QARS1: variants seen among roughly 807,000 people sequenced by gnomAD.
The protein encoded by QARS1 is glutamine--tRNA ligase.
A neutral mutation model predicts 106.9 loss-of-function variants in QARS1; 79 were observed. The ratio of observed to expected loss-of-function variants is 0.74; its 90% CI spans 0.62 to 0.89. The LOEUF is 0.89. QARS1 is among the 40% of genes least tolerant of loss of function. QARS1 has a pLI of 0.00. For missense variants in QARS1, 966 were observed against 997.2 expected, an observed-to-expected ratio of 0.97 and a Z score of 0.42; for synonymous variants, 395 against 367.7, an observed-to-expected ratio of 1.07 and a Z score of -0.85.
At chr3:49,104,131 C>T (rs747653134) in intron 2 of QARS1, 159 bp from the exon 3 acceptor site, 1 of 1,132,004 alleles carries the variant, frequency 8.8e-7, no homozygotes, top group Non-Finnish European at 1.3e-6. Context: ...AAGCACGTGT[C>T]GAGAGTGGAT....
intron 6 of QARS1, 26 bp from the exon 7 acceptor site, chr3:49,102,291 A>C (rs2042481912): frequency 6.2e-7 from 1 of 1,614,098 alleles, no homozygotes; most frequent in Non-Finnish European, 8.5e-7. Context: ...GGTGCTTCAG[A>C]AAATGGCATC....
chr3:49,101,655 G>T lies in QARS1; in HGVS notation c.754C>A (p.Leu252Ile). ...GTAATCTCCAGGTGCTGCTTTAGTA[G>T]ATTCATGGTGTGTGGAGTGACCACA... ...GYVVTPHTMN[L>I]LKQHLEITGG... The change falls in exon 9 of 24, where the codon CTA (leucine) becomes ATA (isoleucine). Residue 252 changes from leucine (L) to isoleucine (I), a missense_variant. Transcript: ENST00000306125. The T allele has an allele frequency of 6.2e-7, 1 of 1,613,970 alleles. No individual in the cohort carries two copies. Among genetic ancestry groups the T allele is most frequent in the Non-Finnish European group, 8.5e-7 (1 of 1,180,022 alleles).
At chr3:49,097,763 T>C (rs2042410264) in intron 23 of QARS1, among the ~76,000 whole-genome samples, 1 of 151,958 alleles carries the variant, frequency 6.6e-6, no homozygotes, top group Non-Finnish European at 1.5e-5. Flanking sequence ...GCCATTGCAC[T>C]CCAGCCCCGG....
intron 19 of QARS1, 67 bp from the exon 20 acceptor site, chr3:49,098,759 C>A: frequency 1.3e-6 from 2 of 1,506,612 alleles, no homozygotes; most frequent in Non-Finnish European, 1.8e-6. Flanking sequence ...AGCTTCCCTA[C>A]CCCCGTGTCT....
At chr3:49,097,849 C>G (rs540773858) in intron 23 of QARS1, 143 bp downstream of exon 23, 2 of 1,222,278 alleles carry the variant, frequency 1.6e-6, no homozygotes, top group Admixed American at 2.4e-5. Context: ...TCCTCAGTGC[C>G]AGTTTCCTCA....
chr3:49,102,288 C>G, intron 6 of QARS1, 23 bp from the exon 7 acceptor site: 1 of 1,614,184 alleles, frequency 6.2e-7, no homozygotes. Context: ...CCAGGTGCTT[C>G]AGAAAATGGC....
At chr3:49,097,970 G>A (rs1231385383) in intron 23 of QARS1, 22 bp downstream of exon 23, 2 of 1,613,890 alleles carry the variant, frequency 1.2e-6, no homozygotes, top group South Asian at 1.1e-5. Context: ...GCAGATGAGG[G>A]CAGGTGAGTA....
chr3:49,100,701 T>C, intron 10 of QARS1, 27 bp from the exon 11 acceptor site: 1 of 1,465,312 alleles, frequency 6.8e-7, no homozygotes, highest in Non-Finnish European at 9.6e-7. Context: ...ATCTGTGAAC[T>C]CCCACATCAT....
Position 49,104,729 on chromosome 3 carries a change from G to A in QARS1, c.5C>T (p.Ala2Val). The change falls in exon 1 of 24, where the codon GCG (alanine) becomes GTG (valine). Residue 2 changes from alanine (A) to valine (V), a missense_variant. Coordinates refer to ENST00000306125, the MANE Select transcript of QARS1 (RefSeq NM_005051.3). M[A>V]ALDSLSLFTS... ...GAAGAGCGACAGGGAGTCTAGAGCC[G>A]CCATTGCAGAGACACCGGAAACTAA... is the stretch of plus-strand genomic sequence containing the variant. 2.5e-6 allele frequency: 4 copies of A among 1,612,500 alleles called. No homozygotes were observed. The highest frequency in any genetic ancestry group is 1.3e-5 in the African/African-American group (1 of 75,036).
Position 49,104,324 on chromosome 3 carries a change from C to G in QARS1, c.265G>C (p.Ala89Pro). The G allele has an allele frequency of 6.2e-7, 1 of 1,613,982 alleles. No homozygotes were observed. Among genetic ancestry groups the G allele is most frequent in the Non-Finnish European group, 8.5e-7 (1 of 1,179,920 alleles). The change falls in exon 2 of 24, where the codon GCT (alanine) becomes CCT (proline). Residue 89 changes from alanine (A) to proline (P), a missense_variant and splice_region_variant. Ala to Pro is a conservative substitution (Grantham distance 27). Transcript: ENST00000306125. ...KKIHTEPQLS[A>P]ALEYVRSHPL... is the part of the protein sequence containing the mutation. ...CTGGCAGGACAGGTAGGGGTCTCAC[C>G]GCTTAGCTGGGGCTCAGTGTGGATC... is the stretch of plus-strand genomic sequence containing the variant.
rs572025824 is a variant in QARS1, at chr3:49,100,232, G to A, written c.1122C>T (p.Pro374=). The change falls in exon 13 of 24, where the codon CCC becomes CCT. Residue 374 remains proline (P), a synonymous_variant. Coordinates refer to ENST00000306125, the MANE Select transcript of QARS1 (RefSeq NM_005051.3). ...ELKGHNTLPS[P]WRDRPMEESL... is the part of the protein sequence containing the mutation. ...ACTCCTCCATGGGACGGTCTCTCCA[G>A]GGTGAAGGCAGAGTATTATGGCCTT... 2.0e-5 allele frequency: 32 copies of A among 1,614,258 alleles called. No homozygotes were observed. In the Admixed American group the frequency reaches 2.2e-4, roughly 11 times the overall value.
At position 49,104,485 on chromosome 3, in the gene QARS1, G is replaced by A. The variant is rs187975850; in HGVS notation, c.118-14C>T. The stretch of plus-strand genomic sequence containing the variant: ...GGTCTGCTGAGCCTGAGGTCAGAGG[G>A]GTCAAGAGAGAAGCCCCGCGCTCAG... On this transcript the variant is annotated splice_polypyrimidine_tract_variant and intron_variant, in intron 1 of 23. Transcript: ENST00000306125. 1.1e-5 allele frequency: 17 copies of A among 1,613,414 alleles called. No individual in the cohort carries two copies. Among genetic ancestry groups the A allele is most frequent in the African/African-American group, 1.3e-5 (1 of 75,030 alleles).
chr3:49,097,809 C>G (rs2042410898), intron 23 of QARS1, among the ~76,000 whole-genome samples, 183 bp downstream of exon 23: 1 of 152,020 alleles, frequency 6.6e-6, no homozygotes, highest in Non-Finnish European at 1.5e-5. Context: ...AAAAAGGCAG[C>G]CTTCATACAA....
chr3:49,101,817 T>G lies in QARS1; in HGVS notation c.703+11A>C. On this transcript the variant is annotated intron_variant, in intron 8 of 23. Coordinates refer to ENST00000306125, the MANE Select transcript of QARS1 (RefSeq NM_005051.3). ...TCCAGCCCTCCCCAGGGTTTTGACA[T>G]GCCCACTAACCAGGCTTGTGGAACT... 1.2e-6 allele frequency: 2 copies of G among 1,611,032 alleles called. No homozygotes were observed. Among genetic ancestry groups the G allele is most frequent in the Non-Finnish European group, 1.7e-6 (2 of 1,178,352 alleles).
At chr3:49,102,878 G>A in intron 5 of QARS1, 2 of 344,534 alleles carry the variant, frequency 5.8e-6, no homozygotes, top group South Asian at 4.7e-5. Context: ...CCTGACCTCA[G>A]GTGATCTGCC....
rs140358033 is a variant in QARS1, at chr3:49,098,031, A to C, written c.2238T>G (p.Leu746=). 1.9e-6 allele frequency: 3 copies of C among 1,614,098 alleles called. No individual in the cohort carries two copies. Among genetic ancestry groups the C allele is most frequent in the Non-Finnish European group, 2.5e-6 (3 of 1,180,058 alleles). ...KPFDKFQFER[L]GYFSVDPDSH... ...TGTCTGGATCCACGGAGAAATATCC[A>C]AGACGCTCAAACTGGAACTTGTCGA... Residue 746 remains leucine (L), a synonymous_variant, in exon 23 of 24, where the codon CTT becomes CTG. Transcript: ENST00000306125.
chr3:49,099,919 C>T (rs1163219555), intron 14 of QARS1, 42 bp downstream of exon 14: 2 of 1,613,666 alleles, frequency 1.2e-6, no homozygotes, highest in Non-Finnish European at 8.5e-7. Context: ...GGCCCATCGC[C>T]CTGCTCGGCA....
chr3:49,103,469 T>C, intron 4 of QARS1, 60 bp from the exon 5 acceptor site: 3 of 1,605,250 alleles, frequency 1.9e-6, no homozygotes, highest in Non-Finnish European at 2.6e-6. Context: ...CCCCACCTCT[T>C]TCCCAAGGAA....
rs1247192471 is a variant in QARS1 at position 49,101,337 on chromosome 3, C to G, written c.876+18G>C. ...CAAGTGGTCATCTTGCTTGCCAGGT[C>G]CCTAGACACATGCTTACCTTGGCAT... On this transcript the variant is annotated intron_variant, in intron 10 of 23. Coordinates refer to ENST00000306125, the MANE Select transcript of QARS1 (RefSeq NM_005051.3). 1 of 1,584,676 alleles carries G rather than the reference C, an allele frequency of 6.3e-7. No homozygotes were observed. The highest frequency in any genetic ancestry group is 1.3e-5 in the African/African-American group (1 of 74,228).
Sources: allele counts gnomAD v4.1 joint callset (sites outside exome capture counted in the v4.1 genomes callset), GRCh38; gene constraint gnomAD v4.1.1; transcripts MANE v1.5; gene names NCBI Gene and HGNC (gene_info 2026-07-23, HGNC 2026-07-21).